The following ADGRV1 variants were observed in gnomAD, a reference collection of about 807,000 sequenced individuals.
The protein encoded by ADGRV1 is adhesion G protein-coupled receptor V1.
Under a neutral mutation model 596.2 loss-of-function variants are expected in ADGRV1, and 359 were observed. That is an observed-to-expected ratio of 0.60 (90% confidence interval 0.55 to 0.66). The LOEUF (loss-of-function observed/expected upper bound fraction) is 0.66, where lower values mean the gene tolerates loss of function less well. Among genes scored for constraint, ADGRV1 ranks in the 30% least tolerant of loss-of-function variants. The pLI, the probability that ADGRV1 is intolerant of heterozygous loss-of-function variation, is 0.00. For missense variants in ADGRV1, 7,274 were observed against 7,575.6 expected (o/e 0.96, Z 1.48); for synonymous variants, 2,681 against 2,679.2 (o/e 1.00, Z -0.02).
intron 83 of ADGRV1, among the ~76,000 whole-genome samples, chr5:90,871,417 T>C (rs1384304215): frequency 6.6e-6 from 1 of 152,204 alleles, no homozygotes; most frequent in African/African-American, 2.4e-5. Flanking sequence ...TAGACTGTTC[T>C]CACTACATTG....
chr5:90,628,043 A>T (rs1316720200), intron 7 of ADGRV1: 3 of 251,264 alleles, frequency 1.2e-5, no homozygotes, highest in African/African-American at 6.8e-5. Flanking sequence ...AATGATTCAT[A>T]GTATAGTAGT....
At chr5:91,124,988 G>C (rs1042910869) in intron 87 of ADGRV1, among the ~76,000 whole-genome samples, 21 of 152,330 alleles carry the variant, frequency 1.4e-4, no homozygotes, top group Admixed American at 1.3e-3. Context: ...ATAAGAGAGA[G>C]AGCCAAAGAC....
At chr5:91,036,619 G>GGCAGGACTGT (rs1411670360) in intron 85 of ADGRV1, among the ~76,000 whole-genome samples, 2 of 151,420 alleles carry the variant, frequency 1.3e-5, no homozygotes, top group Non-Finnish European at 2.9e-5. Flanking sequence ...CTAGTTGCTA[G>GGCAGGACTGT]AGAGGCTGAG....
chr5:90,728,978 C>A (rs1294899632), intron 49 of ADGRV1, 45 bp downstream of exon 49: 2 of 1,299,186 alleles, frequency 1.5e-6, no homozygotes, highest in Non-Finnish European at 2.1e-6. Context: ...TTATTGAAAT[C>A]ATCTAGCATT....
intron 75 of ADGRV1, among the ~76,000 whole-genome samples, chr5:90,819,798 T>C (rs1439477406): frequency 2.6e-5 from 4 of 152,314 alleles, no homozygotes; most frequent in Admixed American, 6.5e-5. Flanking sequence ...TTATAATCTC[T>C]GTTCTTTTAC....
chr5:90,822,266 G>C (rs1426039999), intron 75 of ADGRV1: 1 of 153,914 alleles, frequency 6.5e-6, no homozygotes, highest in African/African-American at 2.4e-5. Flanking sequence ...GCCTCGCCCT[G>C]GTTCGGCTCG....
chr5:90,722,172 A>G (rs542833451), intron 45 of ADGRV1, among the ~76,000 whole-genome samples: 1 of 152,244 alleles, frequency 6.6e-6, no homozygotes, highest in South Asian at 2.1e-4. Context: ...GTGAAGATAC[A>G]GGGAGGCAAG....
intron 85 of ADGRV1, among the ~76,000 whole-genome samples, chr5:91,008,554 A>C (rs897626144): frequency 6.6e-6 from 1 of 151,992 alleles, no homozygotes; most frequent in Admixed American, 6.6e-5. Context: ...CCCAGGCTGG[A>C]GTGCAGTGGC....
intron 84 of ADGRV1, among the ~76,000 whole-genome samples, chr5:90,972,742 A>G (rs191319201): frequency 1.6e-3 from 247 of 152,320 alleles, no homozygotes; most frequent in Non-Finnish European, 2.6e-3. Flanking sequence ...TGCCCACAAG[A>G]GAAAGCAGGA....
intron 86 of ADGRV1, among the ~76,000 whole-genome samples, chr5:91,074,923 T>A (rs560693136): frequency 1.3e-5 from 2 of 152,228 alleles, no homozygotes; most frequent in South Asian, 4.1e-4. Context: ...ATTTCTCTAA[T>A]GATTAGCAAT....
In ADGRV1 at chr5:91,061,909, T is replaced by C. The variant is rs116008796; in HGVS notation, c.18153-10538T>C. ...CTTTTTCTCTCTATCACTTGCTCAC[T>C]AGCTATGTTTTAACTATGGTCATTG... On this transcript the variant is annotated intron_variant, in intron 85 of 89. Coordinates refer to ENST00000405460, the MANE Select transcript of ADGRV1 (RefSeq NM_032119.4). Among the ~76,000 whole-genome samples, 740 of 152,366 alleles carry C rather than the reference T, an allele frequency of 4.9e-3. 5 individuals are homozygous for C. Among genetic ancestry groups the C allele is most frequent in the African/African-American group, 0.017 (714 of 41,580 alleles).
intron 87 of ADGRV1, among the ~76,000 whole-genome samples, chr5:91,121,494 G>A (rs916452418): frequency 6.6e-6 from 1 of 152,106 alleles, no homozygotes; most frequent in African/African-American, 2.4e-5. Flanking sequence ...AACTCAAAAG[G>A]GATGTCAACC....
chr5:90,759,908 T>C, intron 58 of ADGRV1: 1 of 269,170 alleles, frequency 3.7e-6, no homozygotes, highest in Non-Finnish European at 6.9e-6. Flanking sequence ...GAGGTTGCAG[T>C]GAGCTGAGAT....
chr5:90,665,685 A>G (rs1246443329), intron 21 of ADGRV1, among the ~76,000 whole-genome samples: 1 of 148,792 alleles, frequency 6.7e-6, no homozygotes, highest in African/African-American at 2.5e-5. Flanking sequence ...TTGCTTTTCT[A>G]GTCCTTTTAA....
chr5:90,695,355 C>T (rs1163749240), intron 33 of ADGRV1, among the ~76,000 whole-genome samples: 3 of 152,042 alleles, frequency 2.0e-5, no homozygotes, highest in African/African-American at 7.2e-5. Flanking sequence ...CTGGTTGACT[C>T]GTGTGCTATT....
chr5:90,942,619 G>C (rs1776253343), intron 83 of ADGRV1, among the ~76,000 whole-genome samples: 1 of 152,124 alleles, frequency 6.6e-6, no homozygotes, highest in South Asian at 2.1e-4. Context: ...CGAGGCTCTA[G>C]GGACTGGCAA....
chr5:90,907,137 A>G (rs1365107107), intron 83 of ADGRV1, among the ~76,000 whole-genome samples: 1 of 152,188 alleles, frequency 6.6e-6, no homozygotes, highest in African/African-American at 2.4e-5. Context: ...AATACATTAC[A>G]TGGTGGCATT....
intron 83 of ADGRV1, among the ~76,000 whole-genome samples, chr5:90,867,163 A>C (rs552776776): frequency 1.2e-4 from 18 of 152,280 alleles, no homozygotes; most frequent in African/African-American, 4.1e-4. Flanking sequence ...TGTCAGGAAA[A>C]GCAATCCTCC....
chr5:90,952,625 A>G (rs16869247), intron 83 of ADGRV1, among the ~76,000 whole-genome samples: 16,505 of 152,172 alleles, frequency 0.11, 924 homozygotes, highest in East Asian at 0.18. Context: ...TACTCCAAAT[A>G]TTATTTTATG....
Sources: gnomAD v4.1 joint callset for allele counts (sites outside exome capture counted in the v4.1 genomes callset) on GRCh38, gnomAD v4.1.1 for gene constraint, MANE v1.5 for transcripts, NCBI Gene and HGNC (gene_info 2026-07-23, HGNC 2026-07-21) for gene names.